Variants in PCDH9 observed in about 807,000 individuals in gnomAD.
PCDH9 encodes the protein protocadherin-9.
Under a neutral mutation model 70.6 loss-of-function variants are expected in PCDH9, and 24 were observed. The observed-to-expected ratio is 0.34, with a 90% CI of 0.25 to 0.48. PCDH9 has a LOEUF of 0.48. Ranked by LOEUF, PCDH9 falls within the 20% of genes least tolerant of loss-of-function variation. The pLI is 0.99. For missense variants in PCDH9, 1,281 were observed against 1,503.6 expected (o/e 0.85, Z 2.45); for synonymous variants, 562 against 558.5 (o/e 1.01, Z -0.09).
intron 2 of PCDH9, among the ~76,000 whole-genome samples, chr13:67,021,899 T>A (rs1435367284): frequency 2.0e-5 from 3 of 152,008 alleles, no homozygotes; most frequent in African/African-American, 7.3e-5. Flanking sequence ...TTGTTTTTTC[T>A]CTATGTGTAT....
rs908075177 is a variant in PCDH9, at chr13:67,002,604, T to C, written c.3037-98999A>G. Among the ~76,000 whole-genome samples, 23 of 151,916 alleles carry C rather than the reference T, an allele frequency of 1.5e-4. 1 individual carries two copies. The highest frequency in any genetic ancestry group is 5.3e-4 in the African/African-American group (22 of 41,434). On this transcript the variant is annotated intron_variant, in intron 2 of 4. Transcript: ENST00000377865. ...AAAAACCCTCACCAATTTTTAGAGA[T>C]CAATAATGATCTCTGTTTTGTTTCC...
chr13:66,531,199 G>A (rs747355272), intron 4 of PCDH9, among the ~76,000 whole-genome samples: 1 of 151,664 alleles, frequency 6.6e-6, no homozygotes, highest in Non-Finnish European at 1.5e-5. Context: ...CTCAGGTTGT[G>A]ATAAGACCGG....
intron 3 of PCDH9, among the ~76,000 whole-genome samples, chr13:66,739,329 C>A (rs903996982): frequency 1.5e-5 from 2 of 130,392 alleles, no homozygotes; most frequent in African/African-American, 5.4e-5. Flanking sequence ...CCTAAAAGAG[C>A]TCCTGAAGGA....
chr13:66,674,450 A>G (rs1411878762), intron 3 of PCDH9, among the ~76,000 whole-genome samples: 1 of 152,106 alleles, frequency 6.6e-6, no homozygotes, highest in African/African-American at 2.4e-5. Flanking sequence ...TACATGAAAA[A>G]CAAATAGGAG....
At chr13:66,457,481 T>C (rs532150555) in intron 4 of PCDH9, among the ~76,000 whole-genome samples, 2 of 152,106 alleles carry the variant, frequency 1.3e-5, no homozygotes, top group African/African-American at 4.8e-5. Context: ...AATAGAAAGG[T>C]TGTTCATCAA....
intron 3 of PCDH9, among the ~76,000 whole-genome samples, chr13:66,774,845 A>G (rs1323622518): frequency 6.6e-6 from 1 of 152,106 alleles, no homozygotes; most frequent in Non-Finnish European, 1.5e-5. Flanking sequence ...CTTCAATCAG[A>G]CAGCTTTGTT....
chr13:66,585,487 G>A (rs942869030), intron 4 of PCDH9, among the ~76,000 whole-genome samples: 1 of 151,918 alleles, frequency 6.6e-6, no homozygotes, highest in Non-Finnish European at 1.5e-5. Context: ...TCTCCTTCTT[G>A]CCTTATCAAT....
At chr13:66,317,675 A>G (rs1362046444) in intron 4 of PCDH9, among the ~76,000 whole-genome samples, 2 of 152,172 alleles carry the variant, frequency 1.3e-5, no homozygotes, top group African/African-American at 4.8e-5. Flanking sequence ...GATGAAATAC[A>G]GACAACAGTG....
intron 3 of PCDH9, among the ~76,000 whole-genome samples, chr13:66,737,035 C>T (rs113834335): frequency 6.6e-6 from 1 of 152,124 alleles, no homozygotes; most frequent in African/African-American, 2.4e-5. Flanking sequence ...TCCCATGAAA[C>T]GCAGGGTAGT....
intron 3 of PCDH9, among the ~76,000 whole-genome samples, chr13:66,881,863 G>A (rs1056035467): frequency 6.6e-6 from 1 of 152,098 alleles, no homozygotes; most frequent in East Asian, 1.9e-4. Flanking sequence ...AGTGTTATAG[G>A]GAGGTAGAAC....
At chr13:66,782,460 T>G (rs556745238) in intron 3 of PCDH9, among the ~76,000 whole-genome samples, 3 of 152,178 alleles carry the variant, frequency 2.0e-5, no homozygotes, top group Admixed American at 2.0e-4. Flanking sequence ...ACACGATTAA[T>G]GAACATTTGA....
At chr13:66,506,325 G>A (rs924993299) in intron 4 of PCDH9, among the ~76,000 whole-genome samples, 4 of 152,070 alleles carry the variant, frequency 2.6e-5, no homozygotes, top group African/African-American at 9.7e-5. Context: ...AACGTTTTCT[G>A]TGATCTTATT....
At chr13:67,213,827 T>A (rs1301140536) in intron 2 of PCDH9, 1 of 152,174 alleles carries the variant, frequency 6.6e-6, no homozygotes, top group East Asian at 1.9e-4. Flanking sequence ...ACAATTGTAT[T>A]GCACTGAGAG....
At chr13:66,554,518 T>C (rs1392613917) in intron 4 of PCDH9, among the ~76,000 whole-genome samples, 1 of 152,096 alleles carries the variant, frequency 6.6e-6, no homozygotes, top group Non-Finnish European at 1.5e-5. Context: ...AAATATACTA[T>C]GAAATATTTT....
chr13:66,944,718 A>T (rs1287096088), intron 2 of PCDH9, among the ~76,000 whole-genome samples: 1 of 152,246 alleles, frequency 6.6e-6, no homozygotes, highest in South Asian at 2.1e-4. Flanking sequence ...GGTTGTGCAC[A>T]CAGCTCTGCC....
intron 2 of PCDH9, among the ~76,000 whole-genome samples, chr13:66,995,693 C>T (rs923585767): frequency 6.6e-6 from 1 of 152,150 alleles, no homozygotes; most frequent in Non-Finnish European, 1.5e-5. Flanking sequence ...AAGACTACTG[C>T]TTCTTGAGCT....
Position 67,088,647 on chromosome 13 carries a change from TATA to T in PCDH9, c.3036+136755_3036+136757del, listed in dbSNP as rs2086157072. Reference sequence around the variant, plus strand: ...GTCTAAGGAAGAATTAGGCAAATAGTATAATAATTATATTGACCAGGGAAAACG... The same window carrying T: ...GTCTAAGGAAGAATTAGGCAAATAGTATAATTATATTGACCAGGGAAAACG... On this transcript the variant is annotated intron_variant, in intron 2 of 4. Transcript: ENST00000377865. 8.5e-5 allele frequency among the ~76,000 whole-genome samples: 13 copies of T among 152,198 alleles called. No homozygotes were observed. In the South Asian group the frequency reaches 2.7e-3, roughly 32 times the overall value.
intron 4 of PCDH9, among the ~76,000 whole-genome samples, chr13:66,392,088 A>G (rs1957028517): frequency 6.6e-6 from 1 of 151,898 alleles, no homozygotes; most frequent in African/African-American, 2.4e-5. Context: ...TCACTGAAGA[A>G]AGGGCGTTTG....
In PCDH9 at chr13:66,402,073, C is replaced by A. The variant is rs188513851; in HGVS notation, c.3341-97045G>T. ...AGAAGTCTGTCAGAGGGTTTCTGAG[C>A]AAATCTTTCTTTCTGCTTGAAAATA... is the stretch of plus-strand genomic sequence containing the variant. On this transcript the variant is annotated intron_variant, in intron 4 of 4. Transcript: ENST00000377865. Among the ~76,000 whole-genome samples the A allele has an allele frequency of 2.1e-3, 320 of 152,248 alleles. 1 individual carries two copies. Among genetic ancestry groups the A allele is most frequent in the Non-Finnish European group, 3.7e-3 (252 of 68,018 alleles).
Sources: gnomAD v4.1 joint callset for allele counts (sites outside exome capture counted in the v4.1 genomes callset) on GRCh38, gnomAD v4.1.1 for gene constraint, MANE v1.5 for transcripts, NCBI Gene and HGNC (gene_info 2026-07-23, HGNC 2026-07-21) for gene names.